The following NVL variants were observed in gnomAD, a reference collection of about 807,000 sequenced individuals.
The protein encoded by NVL is nuclear VCP like.
In NVL, 84 loss-of-function variants were observed where a neutral mutation model predicts 110.2. That is an observed-to-expected ratio of 0.76 (90% CI 0.64 to 0.91). The LOEUF (loss-of-function observed/expected upper bound fraction) is 0.91, where lower values mean the gene tolerates loss of function less well. Ranked by LOEUF, NVL falls within the 40% of genes least tolerant of loss-of-function variation. NVL has a pLI of 0.00. For synonymous variants in NVL, 354 were observed against 361.1 expected (o/e 0.98, Z 0.22); for missense variants, 882 against 1,035.9 (o/e 0.85, Z 2.04).
chr1:224,277,310 G>C lies in NVL; in HGVS notation c.1963-1852C>G, dbSNP rs560754879. Among the ~76,000 whole-genome samples, 4 of 152,260 alleles carry C rather than the reference G, an allele frequency of 2.6e-5. No individual in the cohort carries two copies. In the South Asian group the frequency reaches 8.3e-4, roughly 32 times the overall value. The stretch of plus-strand genomic sequence containing the variant: ...ACAGTGTGCAAATATAATAAACAGT[G>C]TACAAATATAGTAGACTTTCCTGGA... On this transcript the variant is annotated intron_variant, in intron 16 of 22. Transcript: ENST00000281701.
At chr1:224,298,969 G>A (rs1310097373) in intron 10 of NVL, among the ~76,000 whole-genome samples, 2 of 152,036 alleles carry the variant, frequency 1.3e-5, no homozygotes, top group African/African-American at 4.8e-5. Context: ...ATAAGGATCA[G>A]TTAAAATGAA....
chr1:224,273,649 A>G (rs945733298), intron 17 of NVL, among the ~76,000 whole-genome samples: 1 of 152,184 alleles, frequency 6.6e-6, no homozygotes, highest in African/African-American at 2.4e-5. Context: ...TGAAGGGGCT[A>G]TGGACAAATG....
In NVL at chr1:224,236,601, T is replaced by G. The variant is rs768617495; in HGVS notation, c.2290-19A>C. ...TACCATTCTAAGTAAGAGAGAAAAA[T>G]GATTTTTCATTGGAGCTTTAAAGAC... On this transcript the variant is annotated intron_variant, in intron 19 of 22. Transcript: ENST00000281701. 1.3e-6 allele frequency: 2 copies of G among 1,597,886 alleles called. No homozygotes were observed. Among genetic ancestry groups the G allele is most frequent in the Non-Finnish European group, 1.7e-6 (2 of 1,165,430 alleles).
At chr1:224,300,896 G>C (rs1668333352) in intron 9 of NVL, among the ~76,000 whole-genome samples, 1 of 152,002 alleles carries the variant, frequency 6.6e-6, no homozygotes. Context: ...CCTGAGGTCA[G>C]GAGTTCGAGA....
chr1:224,330,017 C>T lies in NVL; in HGVS notation c.57+54G>A. The T allele has an allele frequency of 2.5e-6, 4 of 1,572,016 alleles. No homozygotes were observed. The South Asian group carries it at 3.3e-5, about 13-fold the overall frequency. On this transcript the variant is annotated intron_variant, in intron 1 of 22. Transcript: ENST00000281701. ...GCCACCCGACAAAAGGGGAGTGGCA[C>T]CCTGGGGCAGCGATCGGGGCCCTTG...
At chr1:224,260,034 C>T (rs1487840122) in intron 18 of NVL, among the ~76,000 whole-genome samples, 1 of 152,118 alleles carries the variant, frequency 6.6e-6, no homozygotes, top group Non-Finnish European at 1.5e-5. Flanking sequence ...AAAGTTCTGG[C>T]TGGGCATAAC....
At chr1:224,293,995 G>C (rs1337379681) in intron 12 of NVL, among the ~76,000 whole-genome samples, 5 of 152,106 alleles carry the variant, frequency 3.3e-5, no homozygotes, top group African/African-American at 1.2e-4. Context: ...TGTAGAGACA[G>C]GGTCACACTA....
At chr1:224,288,517 G>T (rs1218707664) in intron 13 of NVL, among the ~76,000 whole-genome samples, 1 of 151,936 alleles carries the variant, frequency 6.6e-6, no homozygotes, top group Non-Finnish European at 1.5e-5. Flanking sequence ...TAAAAAACAG[G>T]TAACCAATTA....
chr1:224,231,953 G>A (rs2102692009), intron 21 of NVL: 1 of 152,244 alleles, frequency 6.6e-6, no homozygotes, highest in Admixed American at 6.6e-5. Flanking sequence ...GCTTGAACCA[G>A]GAGGTGGAGG....
intron 1 of NVL, among the ~76,000 whole-genome samples, chr1:224,329,657 G>C (rs556091708): frequency 3.3e-5 from 5 of 152,322 alleles, no homozygotes; most frequent in Admixed American, 3.3e-4. Flanking sequence ...TAGTGTGTAA[G>C]TTCCTTGAGA....
chr1:224,256,390 A>G (rs936331307), intron 18 of NVL, among the ~76,000 whole-genome samples: 4 of 136,760 alleles, frequency 2.9e-5, no homozygotes, highest in African/African-American at 1.1e-4. Context: ...GTGCTACTGC[A>G]CTCCAGCCTG....
chr1:224,287,124 T>C (rs576492554), intron 14 of NVL, among the ~76,000 whole-genome samples: 2 of 152,232 alleles, frequency 1.3e-5, no homozygotes, highest in South Asian at 4.1e-4. Context: ...TGCAGCAACA[T>C]GGATGGAACT....
chr1:224,282,411 A>T (rs2102600512), intron 15 of NVL, among the ~76,000 whole-genome samples: 1 of 152,352 alleles, frequency 6.6e-6, no homozygotes, highest in Non-Finnish European at 1.5e-5. Context: ...CCTAGTTTGG[A>T]ATTCCAGTGA....
At chr1:224,330,039 C>G in intron 1 of NVL, 32 bp downstream of exon 1, 8 of 1,611,762 alleles carry the variant, frequency 5.0e-6, no homozygotes, top group Non-Finnish European at 6.8e-6. Flanking sequence ...GATCGGGGCC[C>G]TTGGCGAGGC....
chr1:224,298,935 T>C (rs1668137043), intron 10 of NVL, among the ~76,000 whole-genome samples: 2 of 152,178 alleles, frequency 1.3e-5, no homozygotes, highest in Non-Finnish European at 1.5e-5. Context: ...AATTCTGTTA[T>C]ATATATTTTA....
intron 2 of NVL, among the ~76,000 whole-genome samples, chr1:224,319,921 A>G (rs945954529): frequency 1.3e-5 from 2 of 152,202 alleles, no homozygotes; most frequent in Admixed American, 1.3e-4. Context: ...TTCCAAAAAC[A>G]TATAACCTGA....
chr1:224,328,522 A>C (rs1671369169), intron 1 of NVL, among the ~76,000 whole-genome samples: 2 of 151,916 alleles, frequency 1.3e-5, no homozygotes, highest in Admixed American at 1.3e-4. Flanking sequence ...AATAGGCTTT[A>C]GGTAAAAGCA....
intron 20 of NVL, among the ~76,000 whole-genome samples, chr1:224,234,287 G>A (rs1533590): frequency 1 from 152,277 of 152,318 alleles, 76,118 homozygotes; most frequent in Non-Finnish European, 1. Flanking sequence ...CTGTAACAGG[G>A]TTCTTAGAGA....
intron 17 of NVL, among the ~76,000 whole-genome samples, chr1:224,274,058 A>ACACACC (rs569757319): frequency 2.6e-5 from 4 of 151,566 alleles, no homozygotes; most frequent in Non-Finnish European, 4.4e-5. Flanking sequence ...ACACACACAC[A>ACACACC]CCCATATTGA....
Sources: allele counts gnomAD v4.1 joint callset (sites outside exome capture counted in the v4.1 genomes callset), GRCh38; gene constraint gnomAD v4.1.1; transcripts MANE v1.5; gene names NCBI Gene and HGNC (gene_info 2026-07-23, HGNC 2026-07-21).